Variants in LTBP2 observed in about 807,000 individuals in gnomAD.
The protein encoded by LTBP2 is latent-transforming growth factor beta-binding protein 2.
A neutral mutation model predicts 210.6 loss-of-function variants in LTBP2; 103 were observed. The ratio of observed to expected loss-of-function variants is 0.49; its 90% CI spans 0.42 to 0.58. The LOEUF is 0.58. Among genes scored for constraint, LTBP2 ranks in the 20% least tolerant of loss-of-function variants. The probability of loss-of-function intolerance (pLI) is 0.00; values close to 1 mark genes in which losing one functional copy is unlikely to be tolerated. For synonymous variants in LTBP2, 1,007 were observed against 1,015.0 expected, an observed-to-expected ratio of 0.99 and a Z score of 0.15; for missense variants, 2,313 against 2,494.5, an observed-to-expected ratio of 0.93 and a Z score of 1.55.
chr14:74,577,507 T>C (rs1014049245), intron 3 of LTBP2, among the ~76,000 whole-genome samples: 81 of 150,558 alleles, frequency 5.4e-4, no homozygotes, highest in African/African-American at 1.9e-3. Flanking sequence ...ATTATCTCTT[T>C]TTTTTTTTTT....
At chr14:74,514,465 C>T (rs115764967) in intron 18 of LTBP2, among the ~76,000 whole-genome samples, 10 of 152,292 alleles carry the variant, frequency 6.6e-5, no homozygotes, top group African/African-American at 1.9e-4. Context: ...TCTGTTGGTT[C>T]GCTGGGAGAA....
chr14:74,602,615 A>G (rs1334266621), intron 2 of LTBP2, among the ~76,000 whole-genome samples: 1 of 152,214 alleles, frequency 6.6e-6, no homozygotes. Flanking sequence ...GCCACAGAGG[A>G]TGTTTAAAGT....
At chr14:74,577,121 C>A (rs2088067942) in intron 3 of LTBP2, among the ~76,000 whole-genome samples, 1 of 151,960 alleles carries the variant, frequency 6.6e-6, no homozygotes, top group Middle Eastern at 3.4e-3. Flanking sequence ...TGGGGGAATT[C>A]CAGAAAAACC....
rs368951321 is a variant in LTBP2 at position 74,510,190 on chromosome 14, C to T, written c.3052G>A (p.Gly1018Arg). The T allele has an allele frequency of 3.5e-5, 57 of 1,613,912 alleles. No homozygotes were observed. Among genetic ancestry groups the T allele is most frequent in the South Asian group, 2.4e-4 (22 of 91,080 alleles). ...GTGCACTTTCCATGGGCACAGACCC[C>T]GGGAGTCAGACACTCATTCACATCT... ...CVDVNECLTP[G>R]VCAHGKCTNL... Residue 1018 changes from glycine to arginine, a missense_variant, in exon 20 of 36, where the codon GGG becomes AGG. Physicochemically the swap from Gly to Arg is moderately radical, Grantham distance 125. Transcript: ENST00000261978.
intron 8 of LTBP2, among the ~76,000 whole-genome samples, chr14:74,538,007 G>A (rs995355377): frequency 5.3e-5 from 8 of 152,116 alleles, no homozygotes; most frequent in African/African-American, 1.9e-4. Flanking sequence ...CGCCTGCTTT[G>A]GCCTCCCAAA....
rs560399527 is a variant in LTBP2 at position 74,499,295 on chromosome 14, G to C, written c.*1589C>G. On this transcript the variant is annotated 3_prime_UTR_variant, in exon 36 of 36. Transcript: ENST00000261978. ...TTGTCTGCTGAAAACATCTCAATTA[G>C]TATAGGGACCTAGAGCAAATTATTT... is the stretch of plus-strand genomic sequence containing the variant. 1.4e-5 allele frequency: 3 copies of C among 219,882 alleles called. No individual in the cohort carries two copies. The highest frequency in any genetic ancestry group is 1.8e-4 in the South Asian group (1 of 5,416). 13.6% of individuals were successfully genotyped at this position (219,882 alleles called of 1,614,324 possible).
chr14:74,580,152 G>A (rs1471030201), intron 3 of LTBP2, among the ~76,000 whole-genome samples: 2 of 152,188 alleles, frequency 1.3e-5, no homozygotes, highest in South Asian at 2.1e-4. Flanking sequence ...AGGATGTGGA[G>A]GGCATGGTTT....
intron 3 of LTBP2, among the ~76,000 whole-genome samples, chr14:74,568,263 G>T (rs1027791098): frequency 1.3e-5 from 2 of 152,168 alleles, no homozygotes; most frequent in Non-Finnish European, 2.9e-5. Flanking sequence ...AGCAGCCCCG[G>T]GCCAGCCCCC....
At chr14:74,525,887 G>A (rs1227117031) in intron 14 of LTBP2, among the ~76,000 whole-genome samples, 188 bp downstream of exon 14, 2 of 152,178 alleles carry the variant, frequency 1.3e-5, no homozygotes, top group African/African-American at 4.8e-5. Flanking sequence ...GGGGTCTCTC[G>A]CTGACTTCAC....
chr14:74,609,860 C>A (rs1321768719), intron 1 of LTBP2, among the ~76,000 whole-genome samples: 1 of 152,276 alleles, frequency 6.6e-6, no homozygotes, highest in Non-Finnish European at 1.5e-5. Flanking sequence ...GCCTCCATCC[C>A]CTTTCCCATG....
At chr14:74,561,918 A>G (rs2087798900) in intron 3 of LTBP2, among the ~76,000 whole-genome samples, 1 of 152,142 alleles carries the variant, frequency 6.6e-6, no homozygotes, top group South Asian at 2.1e-4. Flanking sequence ...GATTAGAAAA[A>G]CAACATAAGG....
intron 33 of LTBP2, 96 bp downstream of exon 33, chr14:74,503,123 G>A: frequency 1.3e-6 from 2 of 1,560,428 alleles, no homozygotes; most frequent in Non-Finnish European, 1.7e-6. Context: ...CCTTTGCTCT[G>A]CTCCTTCTTT....
chr14:74,594,126 G>A (rs529992014), intron 2 of LTBP2, among the ~76,000 whole-genome samples: 1 of 152,242 alleles, frequency 6.6e-6, no homozygotes, highest in East Asian at 1.9e-4. Context: ...ATCAAGCCCT[G>A]GTTACAGAGA....
chr14:74,519,280 T>C lies in LTBP2; in HGVS notation c.2789-2339A>G, dbSNP rs371368876. On this transcript the variant is annotated intron_variant, in intron 17 of 35. Transcript: ENST00000261978. ...AAGGATAGAGGACAAAATGGGAGCA[T>C]TGCAATTTCTAAACCCGGCCAAGAA... 2.2e-4 allele frequency among the ~76,000 whole-genome samples: 33 copies of C among 152,172 alleles called. No homozygotes were observed. In the South Asian group the frequency reaches 2.5e-3, roughly 11 times the overall value.
At chr14:74,571,445 T>C (rs1595284271) in intron 3 of LTBP2, among the ~76,000 whole-genome samples, 1 of 152,150 alleles carries the variant, frequency 6.6e-6, no homozygotes, top group Non-Finnish European at 1.5e-5. Context: ...GCAATGATCA[T>C]CCCCAGCCTA....
intron 17 of LTBP2, among the ~76,000 whole-genome samples, chr14:74,520,590 C>T (rs968643557): frequency 6.6e-6 from 1 of 152,172 alleles, no homozygotes; most frequent in South Asian, 2.1e-4. Context: ...ATCACAAGAT[C>T]AGGAGTTCGA....
chr14:74,511,124 T>C (rs1248970652), intron 19 of LTBP2, 121 bp downstream of exon 19: 9 of 1,501,788 alleles, frequency 6.0e-6, no homozygotes, highest in African/African-American at 2.7e-5. Context: ...AGCTAGATCA[T>C]GGAGGACAAC....
intron 3 of LTBP2, among the ~76,000 whole-genome samples, chr14:74,573,051 T>G (rs879715809): frequency 6.6e-6 from 1 of 152,238 alleles, no homozygotes; most frequent in Non-Finnish European, 1.5e-5. Flanking sequence ...TGAGGCCGAA[T>G]GCTGCTCCAG....
At chr14:74,541,608 A>G (rs1402479486) in intron 8 of LTBP2, among the ~76,000 whole-genome samples, 1 of 152,128 alleles carries the variant, frequency 6.6e-6, no homozygotes, top group Non-Finnish European at 1.5e-5. Context: ...CATTCTCCCC[A>G]CTGCCTCCAA....
Sources: gnomAD v4.1 joint callset for allele counts (sites outside exome capture counted in the v4.1 genomes callset) on GRCh38, gnomAD v4.1.1 for gene constraint, MANE v1.5 for transcripts, NCBI Gene and HGNC (gene_info 2026-07-23, HGNC 2026-07-21) for gene names.